The following PIBF1 variants were observed in gnomAD, a reference collection of about 807,000 sequenced individuals.
PIBF1 encodes the protein progesterone immunomodulatory binding factor 1.
Under a neutral mutation model 112.5 loss-of-function variants are expected in PIBF1, and 90 were observed. That is an observed-to-expected ratio of 0.80 (90% CI 0.67 to 0.95). The LOEUF (loss-of-function observed/expected upper bound fraction) is 0.95. Ranked by LOEUF, PIBF1 falls within the 40% of genes least tolerant of loss-of-function variation. The pLI is 0.00. For synonymous variants in PIBF1, 301 were observed against 288.6 expected (o/e 1.04, Z -0.44); for missense variants, 915 against 852.3 (o/e 1.07, Z -0.92).
intron 9 of PIBF1, among the ~76,000 whole-genome samples, chr13:72,852,215 T>TAGG (rs148066792): frequency 0.022 from 3,329 of 152,234 alleles, 133 homozygotes; most frequent in African/African-American, 0.076. Context: ...AGCCCAGACC[T>TAGG]AGGAGCTCCC....
intron 10 of PIBF1, among the ~76,000 whole-genome samples, chr13:72,884,257 C>A (rs533319456): frequency 6.6e-6 from 1 of 152,138 alleles, no homozygotes; most frequent in African/African-American, 2.4e-5. Context: ...CTCTACACAC[C>A]CTGATAGGCA....
Position 72,827,000 on chromosome 13 carries a change from A to G in PIBF1, c.807-10A>G. ...AAATTTACATGTCTCTTTGAATTTT[A>G]TTTTAACAGTGAACGTGATGCACTT... On this transcript the variant is annotated splice_polypyrimidine_tract_variant and intron_variant, in intron 6 of 17. Coordinates refer to ENST00000326291, the MANE Select transcript of PIBF1 (RefSeq NM_006346.4). 1 of 1,537,564 alleles carries G rather than the reference A, an allele frequency of 6.5e-7. No homozygotes were observed. The highest frequency in any genetic ancestry group is 8.9e-7 in the Non-Finnish European group (1 of 1,126,356).
intron 9 of PIBF1, among the ~76,000 whole-genome samples, chr13:72,837,910 G>A (rs940939394): frequency 2.0e-5 from 3 of 152,098 alleles, no homozygotes; most frequent in Admixed American, 1.3e-4. Flanking sequence ...CATGCTTAGG[G>A]CAGCAGAGTT....
At position 72,919,582 on chromosome 13, in the gene PIBF1, T is replaced by C. The variant is rs534289905; in HGVS notation, c.1730+2416T>C. On this transcript the variant is annotated intron_variant, in intron 13 of 17. Coordinates refer to ENST00000326291, the MANE Select transcript of PIBF1 (RefSeq NM_006346.4). ...TAAGAGACTTATCAGTAGTAAATGA[T>C]AGGTAAAATACTAAAACTTGAAATT... 3.9e-5 allele frequency among the ~76,000 whole-genome samples: 6 copies of C among 152,306 alleles called. No homozygotes were observed. The South Asian group carries it at 1.2e-3, about 32-fold the overall frequency.
At chr13:72,935,529 G>A (rs61966193) in intron 14 of PIBF1, among the ~76,000 whole-genome samples, 5,564 of 152,204 alleles carry the variant, frequency 0.037, 154 homozygotes, top group South Asian at 0.074. Context: ...TTGTATGGAC[G>A]TATGCTTTCA....
intron 10 of PIBF1, among the ~76,000 whole-genome samples, chr13:72,862,798 A>C (rs2138378049): frequency 6.6e-6 from 1 of 152,322 alleles, no homozygotes; most frequent in Admixed American, 6.5e-5. Flanking sequence ...ACTTCACCAA[A>C]GAAGGAAAGA....
intron 10 of PIBF1, among the ~76,000 whole-genome samples, chr13:72,869,794 T>C (rs1293373043): frequency 1.3e-5 from 2 of 151,696 alleles, no homozygotes; most frequent in African/African-American, 4.8e-5. Flanking sequence ...TGTGGCTACT[T>C]AACCCCCCAC....
chr13:72,819,157 A>G (rs2036429166), intron 5 of PIBF1, among the ~76,000 whole-genome samples: 1 of 152,146 alleles, frequency 6.6e-6, no homozygotes, highest in African/African-American at 2.4e-5. Context: ...AACCAGGTGG[A>G]TAATATAAAT....
At chr13:72,961,427 A>C (rs938125746) in intron 14 of PIBF1, among the ~76,000 whole-genome samples, 1 of 152,292 alleles carries the variant, frequency 6.6e-6, no homozygotes, top group Admixed American at 6.6e-5. Flanking sequence ...ATACTTTAAA[A>C]GTATATAGAT....
chr13:72,861,269 C>CA (rs1048829355), intron 10 of PIBF1, among the ~76,000 whole-genome samples: 3 of 151,758 alleles, frequency 2.0e-5, no homozygotes, highest in Non-Finnish European at 4.4e-5. Flanking sequence ...CTCATCTCTA[C>CA]AAAAAATGTA....
chr13:72,970,546 A>T (rs1231325703), intron 15 of PIBF1: 1 of 152,182 alleles, frequency 6.6e-6, no homozygotes, highest in African/African-American at 2.4e-5. Flanking sequence ...ATGTTTTCGT[A>T]TTGCAGGTGA....
At chr13:72,891,502 G>A (rs1284623773) in intron 10 of PIBF1, among the ~76,000 whole-genome samples, 1 of 65,828 alleles carries the variant, frequency 1.5e-5, no homozygotes, top group Non-Finnish European at 2.9e-5. Flanking sequence ...TTAGTAAAAG[G>A]TATTTTTTTT....
At chr13:72,922,988 TG>T (rs2041349216) in intron 13 of PIBF1, among the ~76,000 whole-genome samples, 1 of 152,202 alleles carries the variant, frequency 6.6e-6, no homozygotes, top group African/African-American at 2.4e-5. Context: ...TTTTTGAAAG[TG>T]GGATCCTTCT....
Position 72,795,463 on chromosome 13 carries a change from G to T in PIBF1, c.458G>T (p.Arg153Leu). 6.2e-7 allele frequency: 1 copy of T among 1,610,706 alleles called. No homozygotes were observed. Among genetic ancestry groups the T allele is most frequent in the South Asian group, 1.1e-5 (1 of 90,188 alleles). ...LQLREKAGDV[R>L]RNLRDFELTE... ...CTAAGAGAAAAAGCTGGAGATGTTC[G>T]TCGAAACCTGCGTGACTTTGAGTTG... The change falls in exon 4 of 18, where the codon CGT becomes CTT. Residue 153 changes from arginine (R) to leucine (L), a missense_variant. Arg to Leu is a moderately radical substitution (Grantham distance 102). Coordinates refer to ENST00000326291, the MANE Select transcript of PIBF1 (RefSeq NM_006346.4).
intron 3 of PIBF1, among the ~76,000 whole-genome samples, chr13:72,793,672 G>A (rs1234370532): frequency 2.6e-5 from 4 of 152,186 alleles, no homozygotes; most frequent in Non-Finnish European, 4.4e-5. Flanking sequence ...ATAGCTGATG[G>A]TCATAAAAAA....
intron 16 of PIBF1, among the ~76,000 whole-genome samples, chr13:72,980,560 T>G: frequency 6.6e-6 from 1 of 151,464 alleles, no homozygotes; most frequent in Non-Finnish European, 1.5e-5. Flanking sequence ...TTGAGGAGGC[T>G]GAGGCAGACA....
chr13:72,819,824 A>G (rs991689187), intron 5 of PIBF1, among the ~76,000 whole-genome samples: 2 of 152,154 alleles, frequency 1.3e-5, no homozygotes, highest in African/African-American at 4.8e-5. Context: ...AGTACCAATC[A>G]GTAGTGTTTC....
At chr13:72,901,612 G>A (rs1228146787) in intron 11 of PIBF1, among the ~76,000 whole-genome samples, 1 of 151,988 alleles carries the variant, frequency 6.6e-6, no homozygotes, top group African/African-American at 2.4e-5. Context: ...TGGAACCCGG[G>A]AAGAAGAGGT....
At chr13:72,933,435 G>A (rs2041771442) in intron 14 of PIBF1, among the ~76,000 whole-genome samples, 1 of 152,242 alleles carries the variant, frequency 6.6e-6, no homozygotes, top group African/African-American at 2.4e-5. Flanking sequence ...GCCAAGGCAG[G>A]GGGATCACTT....
Sources: gnomAD v4.1 joint callset for allele counts (sites outside exome capture counted in the v4.1 genomes callset) on GRCh38, gnomAD v4.1.1 for gene constraint, MANE v1.5 for transcripts, NCBI Gene and HGNC (gene_info 2026-07-23, HGNC 2026-07-21) for gene names.